The following MTERF4 variants were observed in gnomAD, a reference collection of about 807,000 sequenced individuals.
MTERF4 encodes transcription termination factor 4, mitochondrial.
MTERF4 carries 17 observed loss-of-function variants against 22.5 expected under a neutral mutation model. That is an observed-to-expected ratio of 0.75 (90% CI 0.52 to 1.13). MTERF4 has a LOEUF of 1.13. Ranked by LOEUF, MTERF4 falls within the 50% of genes most tolerant of loss-of-function variation. MTERF4 has a pLI of 0.00. For synonymous variants in MTERF4, 165 were observed against 175.3 expected, an observed-to-expected ratio of 0.94 and a Z score of 0.47; for missense variants, 420 against 466.8, an observed-to-expected ratio of 0.90 and a Z score of 0.92.
chr2:241,069,944 C>T (rs531687220), downstream of MTERF4: 1 of 1,612,794 alleles, frequency 6.2e-7, no homozygotes, highest in South Asian at 1.1e-5. This position sits in a 1 kb window ranked among gnomAD's most constrained non-coding sequence, Gnocchi z 4.9. Context: ...GCAAACCTGA[C>T]CGCCGCCCGA....
At chr2:241,101,484 G>C (rs2064705776) in intron 1 of MTERF4, among the ~76,000 whole-genome samples, 1 of 152,204 alleles carries the variant, frequency 6.6e-6, no homozygotes, top group Non-Finnish European at 1.5e-5. Flanking sequence ...CCGGGGGTTG[G>C]GGAACCCCTG....
intron 2 of MTERF4, 92 bp from the exon 3 acceptor site, chr2:241,097,519 A>C: frequency 8.0e-7 from 1 of 1,256,218 alleles, no homozygotes; most frequent in South Asian, 1.5e-5. Flanking sequence ...CCACATTTAA[A>C]AACAAACAAG....
At chr2:241,063,140 C>T in the MTERF4 span, among the ~76,000 whole-genome samples, 2 of 152,252 alleles carry the variant, frequency 1.3e-5, no homozygotes, top group Non-Finnish European at 2.9e-5. Flanking sequence ...CTTCAGGGCG[C>T]AGAGAAGGTG....
chr2:241,099,927 C>A, intron 1 of MTERF4, 33 bp from the exon 2 acceptor site: 1 of 1,597,720 alleles, frequency 6.3e-7, no homozygotes, highest in Non-Finnish European at 8.5e-7. Context: ...ACAATTAATT[C>A]CTCACTATTC....
At chr2:241,068,862 C>A, downstream of MTERF4, 1 of 1,326,418 alleles carries the variant, frequency 7.5e-7, no homozygotes, top group Non-Finnish European at 1.0e-6. The surrounding 1 kb of genome is among the most constrained non-coding windows in gnomAD (Gnocchi z 5.3). Context: ...CAGAGTCACA[C>A]ACAGGTCCCA....
At chr2:241,097,104 A>T in intron 3 of MTERF4, 139 bp downstream of exon 3, 1 of 995,748 alleles carries the variant, frequency 1.0e-6, no homozygotes, top group Non-Finnish European at 1.5e-6. Context: ...ACTGACCTTC[A>T]CTACATTTGA....
the MTERF4 span, chr2:241,065,472 T>TC: frequency 6.2e-7 from 1 of 1,612,960 alleles, no homozygotes; most frequent in East Asian, 2.2e-5. Context: ...CAGGACCCGC[T>TC]CCTCGCACCA....
downstream of MTERF4, among the ~76,000 whole-genome samples, chr2:241,085,646 T>C (rs938998769): frequency 6.6e-6 from 1 of 152,152 alleles, no homozygotes; most frequent in Non-Finnish European, 1.5e-5. Flanking sequence ...GAATGTCTTA[T>C]AGTTTTTTAT....
In MTERF4 at chr2:241,073,225, A is replaced by C. The variant is rs1485175458; in HGVS notation, n.2937T>G. The C allele has an allele frequency of 1.4e-6, 2 of 1,472,658 alleles. No individual in the cohort carries two copies. The highest frequency in any genetic ancestry group is 2.4e-5 in the South Asian group (2 of 82,484). 91.2% of individuals were successfully genotyped at this position (1,472,658 alleles called of 1,614,324 possible). A position where few individuals can be genotyped will look rare whatever the true frequency, so the allele number is the denominator to read the frequency against. On this transcript the variant is annotated non_coding_transcript_exon_variant, in exon 5 of 5. Coordinates refer to the MTERF4 transcript ENST00000464344. This position sits in a 1 kb window ranked among gnomAD's most constrained non-coding sequence, Gnocchi z 6.6. ...GTGGCCCCAGGACCATCCCGGGTGC[A>C]AAGCAGCTGCGCCGTGTGGTCACCG...
chr2:241,089,009 C>T (rs1286506770), downstream of MTERF4: 14 of 313,540 alleles, frequency 4.5e-5, no homozygotes, highest in South Asian at 8.6e-4. Context: ...AACTTCCTCT[C>T]GCCTTTGTTT....
chr2:241,064,022 C>T, the MTERF4 span: 1 of 1,554,446 alleles, frequency 6.4e-7, no homozygotes, highest in Non-Finnish European at 8.7e-7. The surrounding 1 kb of genome is among the most constrained non-coding windows in gnomAD (Gnocchi z 7.0). Flanking sequence ...AGGTGGACGC[C>T]TGCGACTCCA....
the MTERF4 span, among the ~76,000 whole-genome samples, chr2:241,063,206 T>C: frequency 6.2e-4 from 94 of 152,078 alleles, no homozygotes; most frequent in Non-Finnish European, 1.2e-3. Flanking sequence ...TTCCAGCCAG[T>C]GGAGGGAGGG....
chr2:241,052,187 G>A, the MTERF4 span: 60 of 1,581,786 alleles, frequency 3.8e-5, no homozygotes, highest in Admixed American at 1.2e-4. Flanking sequence ...AGGCCAGGGC[G>A]GCCAGGGGTG....
At chr2:241,099,110 T>C in intron 2 of MTERF4, 1 of 282,834 alleles carries the variant, frequency 3.5e-6, no homozygotes, top group Non-Finnish European at 6.6e-6. Flanking sequence ...ACAGCCTTGC[T>C]GTCACCCAGG....
chr2:241,050,137 C>T, the MTERF4 span: 2 of 629,400 alleles, frequency 3.2e-6, no homozygotes, highest in African/African-American at 1.8e-5. Flanking sequence ...CAGTGCCAGG[C>T]CTGCTGGTCA....
chr2:241,081,157 A>G (rs2125300757), intron 4 of MTERF4, among the ~76,000 whole-genome samples: 1 of 152,340 alleles, frequency 6.6e-6, no homozygotes, highest in Non-Finnish European at 1.5e-5. Flanking sequence ...GCAGCCCTGC[A>G]AAGACCATCT....
the MTERF4 span, chr2:241,063,913 C>T: frequency 6.3e-5 from 60 of 959,810 alleles, no homozygotes; most frequent in South Asian, 1.6e-4. Context: ...TCCTGGCCTC[C>T]GCCCCTAGAC....
intron 3 of MTERF4, 55 bp downstream of exon 3, chr2:241,097,188 A>G (rs1336288406): frequency 6.3e-7 from 1 of 1,587,104 alleles, no homozygotes; most frequent in South Asian, 1.1e-5. Flanking sequence ...CGCTAATCCC[A>G]TTACCAGTCA....
At chr2:241,098,014 G>T (rs1443078827) in intron 2 of MTERF4, among the ~76,000 whole-genome samples, 2 of 152,178 alleles carry the variant, frequency 1.3e-5, no homozygotes, top group African/African-American at 4.8e-5. Context: ...GGCACCTTGA[G>T]TGAAAGAGGC....
Sources: gnomAD v4.1 joint callset for allele counts (sites outside exome capture counted in the v4.1 genomes callset) on GRCh38, gnomAD v4.1.1 for gene constraint, Gnocchi (gnomAD v3.1) non-coding constraint, MANE v1.5 for transcripts, NCBI Gene and HGNC (gene_info 2026-07-23, HGNC 2026-07-21) for gene names.